The following CHD8 variants were observed in gnomAD, a reference collection of about 807,000 sequenced individuals.
The protein encoded by CHD8 is chromodomain helicase DNA binding protein 8, also known as ATP-dependent chromatin remodeler CHD8.
CHD8 carries 31 observed loss-of-function variants against 279.2 expected under a neutral mutation model. That is an observed-to-expected ratio of 0.11 (90% confidence interval 0.08 to 0.15). The LOEUF (loss-of-function observed/expected upper bound fraction) is 0.15, where lower values mean the gene tolerates loss of function less well. CHD8 is among the 10% of genes least tolerant of loss of function. The pLI is 1.00. For missense variants in CHD8, 2,146 were observed against 3,230.5 expected (o/e 0.66, Z 8.14); for synonymous variants, 1,081 against 1,139.6 (o/e 0.95, Z 1.04).
Position 21,406,934 on chromosome 14 carries a change from A to C in CHD8, c.2829T>G (p.Arg943=). The C allele has an allele frequency of 1.9e-6, 3 of 1,613,208 alleles. No homozygotes were observed. Among genetic ancestry groups the C allele is most frequent in the Non-Finnish European group, 2.5e-6 (3 of 1,179,600 alleles). The change falls in exon 14 of 38, where the codon CGT becomes CGG. Residue 943 remains arginine (R), a synonymous_variant. Coordinates refer to ENST00000646647, the MANE Select transcript of CHD8 (RefSeq NM_001170629.2). Reference sequence around the variant, plus strand: ...GATGGGCTTCATCAATGATAACACAACGCCATTCAATTTCACGAAGCTCAG... The same window carrying C: ...GATGGGCTTCATCAATGATAACACACCGCCATTCAATTTCACGAAGCTCAG... ...DCPELREIEW[R]CVIIDEAHRL...
intron 3 of CHD8, 115 bp from the exon 4 acceptor site, chr14:21,428,369 G>C (rs760497048): frequency 1.1e-6 from 1 of 919,482 alleles, no homozygotes; most frequent in African/African-American, 1.7e-5. Context: ...CAAGAATCAA[G>C]CTCAGACTAA....
intron 10 of CHD8, among the ~76,000 whole-genome samples, chr14:21,410,976 T>C (rs1888468637): frequency 6.6e-6 from 1 of 152,182 alleles, no homozygotes; most frequent in African/African-American, 2.4e-5. Flanking sequence ...ATAAAATGGA[T>C]GACAAACTTA....
intron 13 of CHD8, 44 bp from the exon 14 acceptor site, chr14:21,407,076 C>A: frequency 6.8e-7 from 1 of 1,477,582 alleles, no homozygotes. Flanking sequence ...AAAAATGTAC[C>A]TAAATGAGGA....
At chr14:21,443,788 G>A (rs995225952) in intron 1 of CHD8, among the ~76,000 whole-genome samples, 14 of 146,700 alleles carry the variant, frequency 9.5e-5, no homozygotes, top group South Asian at 2.1e-4. Context: ...CCCGGGAGGC[G>A]CAGCTTGCAG....
At chr14:21,387,859 CTG>C (rs960209694) in intron 37 of CHD8, among the ~76,000 whole-genome samples, 8 of 147,314 alleles carry the variant, frequency 5.4e-5, no homozygotes, top group Admixed American at 2.0e-4. Flanking sequence ...TTAGGATTTT[CTG>C]TGATTTTCTA....
Position 21,385,776 on chromosome 14 carries a change from G to A in CHD8, c.7583C>T (p.Thr2528Ile), listed in dbSNP as rs1887195926. Reference sequence around the variant, plus strand: ...AGGTTGCAGTGGTGGCAACCGCAAGGTAGTACCAGAGGCGGTAGTCACTGG... The same window carrying A: ...AGGTTGCAGTGGTGGCAACCGCAAGATAGTACCAGAGGCGGTAGTCACTGG... ...SSPVTTASGT[T>I]LRLPPLQPEE... The change falls in exon 38 of 38, where the codon ACC becomes ATC. Residue 2528 changes from threonine to isoleucine, a missense_variant. Around this residue, in one of 26 missense-constraint regions of CHD8, gnomAD observed 336 missense variants for 392.9 expected, o/e 0.86. Coordinates refer to ENST00000646647, the MANE Select transcript of CHD8 (RefSeq NM_001170629.2). The A allele has an allele frequency of 1.0e-5, 16 of 1,524,778 alleles. No individual in the cohort carries two copies. The highest frequency in any genetic ancestry group is 1.2e-5 in the Non-Finnish European group (13 of 1,130,264). The allele number at this position is 1,524,778 out of a possible 1,614,324, so 94.5% of individuals were successfully genotyped here.
intron 1 of CHD8, among the ~76,000 whole-genome samples, chr14:21,447,241 CTG>C (rs1208099070): frequency 6.6e-6 from 1 of 152,188 alleles, no homozygotes; most frequent in East Asian, 1.9e-4. Context: ...ACATAAAAGA[CTG>C]TTTTCTAGAG....
chr14:21,446,631 A>G (rs576521161), intron 1 of CHD8, among the ~76,000 whole-genome samples: 44 of 152,242 alleles, frequency 2.9e-4, no homozygotes, highest in Non-Finnish European at 3.8e-4. Flanking sequence ...AATTTTCTTA[A>G]CAAGACTAAA....
chr14:21,407,677 C>T (rs903680479), intron 13 of CHD8, among the ~76,000 whole-genome samples: 3 of 151,880 alleles, frequency 2.0e-5, no homozygotes, highest in Non-Finnish European at 2.9e-5. Context: ...GTGACGATCT[C>T]GGCTCACTGC....
At chr14:21,419,887 AG>A in intron 5 of CHD8, 1 of 335,034 alleles carries the variant, frequency 3.0e-6, no homozygotes. Context: ...GAAGCCAGCC[AG>A]GGCCACCTGT....
Position 21,385,668 on chromosome 14 carries a change from A to G in CHD8, c.7691T>C (p.Ile2564Thr), listed in dbSNP as rs1566403178. Residue 2564 changes from isoleucine (I) to threonine (T), a missense_variant, in exon 38 of 38, where the codon ATT becomes ACT. Physicochemically the swap from Ile to Thr is moderately conservative, Grantham distance 89. Transcript: ENST00000646647. ...YDSSERDFSL[I>T]DDPMMPANSD... ...GTTAGCTGGCATCATAGGATCATCA[A>G]TGAGTGAGAAGTCCCTTTCTGAGCT... 2.6e-6 allele frequency: 4 copies of G among 1,551,928 alleles called. No homozygotes were observed. The highest frequency in any genetic ancestry group is 1.4e-5 in the African/African-American group (1 of 73,112).
intron 5 of CHD8, among the ~76,000 whole-genome samples, chr14:21,424,146 C>A (rs1889187792): frequency 1.3e-5 from 2 of 152,186 alleles, no homozygotes; most frequent in Non-Finnish European, 2.9e-5. Context: ...ATAGACAGTT[C>A]ATAAATTTCA....
chr14:21,415,678 G>A (rs758409619), intron 6 of CHD8, 36 bp from the exon 7 acceptor site: 3 of 1,612,602 alleles, frequency 1.9e-6, no homozygotes, highest in Admixed American at 3.3e-5. Context: ...ACAGATGATT[G>A]TGACCAGCAA....
intron 1 of CHD8, among the ~76,000 whole-genome samples, chr14:21,450,489 A>G (rs1890231306): frequency 1.3e-5 from 2 of 152,118 alleles, no homozygotes; most frequent in Admixed American, 6.6e-5. Context: ...AACCTTAAAC[A>G]TTTTACAACT....
intron 5 of CHD8, among the ~76,000 whole-genome samples, chr14:21,417,498 T>G (rs957586033): frequency 6.6e-6 from 1 of 152,080 alleles, no homozygotes; most frequent in South Asian, 2.1e-4. Context: ...GCAGGATCAC[T>G]CAAGCCCAGG....
chr14:21,449,754 GGT>G (rs1200309459), intron 1 of CHD8, among the ~76,000 whole-genome samples: 2 of 152,144 alleles, frequency 1.3e-5, no homozygotes, highest in Non-Finnish European at 1.5e-5. Flanking sequence ...ACCTGCTTGT[GGT>G]AACTTTTAGT....
intron 1 of CHD8, among the ~76,000 whole-genome samples, chr14:21,453,997 TAA>T (rs900330511): frequency 7.0e-6 from 1 of 141,950 alleles, no homozygotes; most frequent in Non-Finnish European, 1.5e-5. Context: ...CTACTAAAAA[TAA>T]AAAAAAAAAT....
chr14:21,431,246 T>G lies in CHD8; in HGVS notation c.398A>C (p.Asn133Thr). The G allele has an allele frequency of 6.3e-7, 1 of 1,597,364 alleles. No individual in the cohort carries two copies. The highest frequency in any genetic ancestry group is 1.3e-5 in the African/African-American group (1 of 74,998). Residue 133 changes from asparagine to threonine, a missense_variant, in exon 2 of 38, where the codon AAT (asparagine) becomes ACT (threonine). Coordinates refer to ENST00000646647, the MANE Select transcript of CHD8 (RefSeq NM_001170629.2). The part of the protein sequence containing the change: ...SKSQEILSQG[N>T]PFMGVSATAV... ...TGTGGCAGAGACACCCATGAAAGGA[T>G]TCCCTTGGCTCAGGATCTCCTGGCT...
chr14:21,393,668 T>A lies in CHD8; in HGVS notation c.6127A>T (p.Met2043Leu). The A allele has an allele frequency of 1.2e-6, 2 of 1,613,948 alleles. No individual in the cohort carries two copies. The highest frequency in any genetic ancestry group is 1.7e-6 in the Non-Finnish European group (2 of 1,179,876). The stretch of plus-strand genomic sequence containing the variant: ...GTAGTATCAGAGGGGGATACTCGCA[T>A]CTCATAGTCTTGTGGGGTTGGTCGG... ...RSRPTPQDYEMRVSPSDTTPL... is the reference protein window; with the variant it reads ...RSRPTPQDYELRVSPSDTTPL... Residue 2043 changes from methionine to leucine, a missense_variant, in exon 32 of 38, where the codon ATG becomes TTG. Transcript: ENST00000646647.
Sources: allele counts gnomAD v4.1 joint callset (sites outside exome capture counted in the v4.1 genomes callset), GRCh38; gene constraint gnomAD v4.1.1; regional missense constraint gnomAD v4.1.1; transcripts MANE v1.5; gene names NCBI Gene and HGNC (gene_info 2026-07-23, HGNC 2026-07-21).